MAPK8: variants seen among roughly 807,000 people sequenced by gnomAD.
The protein encoded by MAPK8 is JUN N-terminal kinase.
Under a neutral mutation model 52.9 loss-of-function variants are expected in MAPK8, and 13 were observed. The ratio of observed to expected loss-of-function variants is 0.25; its 90% CI spans 0.16 to 0.39. MAPK8 has a LOEUF of 0.39. Ranked by LOEUF, MAPK8 falls within the 10% of genes least tolerant of loss-of-function variation. The pLI is 1.00. For missense variants in MAPK8, 300 were observed against 519.2 expected, an observed-to-expected ratio of 0.58 and a Z score of 4.10; for synonymous variants, 191 against 169.8, an observed-to-expected ratio of 1.12 and a Z score of -0.97.
chr10:48,308,709 CTTA>C (rs961825070), intron 1 of MAPK8, among the ~76,000 whole-genome samples: 5 of 151,952 alleles, frequency 3.3e-5, no homozygotes, highest in African/African-American at 1.2e-4. Flanking sequence ...TTTGGTGACT[CTTA>C]TTGTGGAAAA....
At chr10:48,409,062 T>C (rs2042612155) in intron 3 of MAPK8, among the ~76,000 whole-genome samples, 1 of 152,168 alleles carries the variant, frequency 6.6e-6, no homozygotes, top group Non-Finnish European at 1.5e-5. Flanking sequence ...CATTGGGTGC[T>C]AGGAGTTAAA....
chr10:48,406,181 A>G (rs943038139), intron 3 of MAPK8, among the ~76,000 whole-genome samples: 1 of 152,180 alleles, frequency 6.6e-6, no homozygotes, highest in Non-Finnish European at 1.5e-5. Flanking sequence ...AGGAAGAATG[A>G]CGTAAAAAAG....
chr10:48,331,878 T>C (rs1270131248), intron 1 of MAPK8, among the ~76,000 whole-genome samples: 1 of 152,184 alleles, frequency 6.6e-6, no homozygotes, highest in African/African-American at 2.4e-5. Context: ...TAAGGAGTAC[T>C]ATTGGGAGAC....
chr10:48,320,517 G>A (rs986358430), intron 1 of MAPK8, among the ~76,000 whole-genome samples: 4 of 151,962 alleles, frequency 2.6e-5, no homozygotes, highest in African/African-American at 7.3e-5. Context: ...TGAGATTAGA[G>A]GCATGAACCA....
chr10:48,365,657 A>G (rs929008130), intron 1 of MAPK8, among the ~76,000 whole-genome samples: 1 of 152,186 alleles, frequency 6.6e-6, no homozygotes, highest in African/African-American at 2.4e-5. Context: ...AGAGAAATGT[A>G]AAATTATTCA....
chr10:48,410,124 C>A lies in MAPK8; in HGVS notation c.406C>A (p.Leu136Met). ...ERMSYLLYQM[L>M]CGIKHLHSAG... is the part of the protein sequence containing the mutation. ...AATGTCCTACCTTCTCTATCAGATG[C>A]TGTGTGGAATCAAGCACCTTCATTC... The change falls in exon 5 of 12, where the codon CTG becomes ATG. Residue 136 changes from leucine (L) to methionine (M), a missense_variant. This residue lies in a region of MAPK8 where 147 missense variants were observed against 328.1 expected (regional missense o/e 0.45). Coordinates refer to ENST00000374189, the MANE Select transcript of MAPK8 (RefSeq NM_001323329.2). 6.3e-7 allele frequency: 1 copy of A among 1,580,118 alleles called. No homozygotes were observed. Among genetic ancestry groups the A allele is most frequent in the Admixed American group, 1.9e-5 (1 of 53,546 alleles).
chr10:48,356,191 C>T (rs1388045802), intron 1 of MAPK8, among the ~76,000 whole-genome samples: 3 of 152,078 alleles, frequency 2.0e-5, no homozygotes, highest in Admixed American at 6.6e-5. Context: ...TTTTCATAGG[C>T]TTTAAAGCAT....
At chr10:48,429,195 A>C (rs2043957598) in intron 10 of MAPK8, among the ~76,000 whole-genome samples, 2 of 152,172 alleles carry the variant, frequency 1.3e-5, no homozygotes, top group Admixed American at 6.5e-5. Flanking sequence ...TTAATAGGCC[A>C]GCAGTTGTAA....
intron 1 of MAPK8, among the ~76,000 whole-genome samples, chr10:48,355,892 C>G (rs1004656666): frequency 1.3e-5 from 2 of 151,936 alleles, no homozygotes; most frequent in African/African-American, 4.8e-5. Flanking sequence ...ACAGATTTAC[C>G]GTGAATAAGG....
At chr10:48,375,626 A>G (rs1352509703) in intron 1 of MAPK8, among the ~76,000 whole-genome samples, 5 of 152,232 alleles carry the variant, frequency 3.3e-5, no homozygotes, top group Non-Finnish European at 7.3e-5. Flanking sequence ...GTGAACTCCC[A>G]TTCACAGTTG....
chr10:48,347,417 C>CT (rs903469828), intron 1 of MAPK8, among the ~76,000 whole-genome samples: 1 of 152,118 alleles, frequency 6.6e-6, no homozygotes, highest in Non-Finnish European at 1.5e-5. Context: ...TTTTATTGTA[C>CT]TTTAAGTTTT....
At chr10:48,424,455 CTTT>C in intron 7 of MAPK8, 1 of 894,120 alleles carries the variant, frequency 1.1e-6, no homozygotes, top group South Asian at 1.9e-5. Context: ...TTATTTCTTT[CTTT>C]TTTTTTTTAT....
At chr10:48,347,355 T>C (rs185089812) in intron 1 of MAPK8, among the ~76,000 whole-genome samples, 1 of 152,362 alleles carries the variant, frequency 6.6e-6, no homozygotes, top group Non-Finnish European at 1.5e-5. Context: ...AGACAGTTAA[T>C]ACATGCTGAC....
chr10:48,415,187 T>C (rs1165243402), intron 5 of MAPK8, among the ~76,000 whole-genome samples: 1 of 152,216 alleles, frequency 6.6e-6, no homozygotes, highest in Admixed American at 6.5e-5. Flanking sequence ...TTTATCTTCC[T>C]GAGCCCCTAC....
intron 1 of MAPK8, among the ~76,000 whole-genome samples, chr10:48,389,083 C>T (rs963100725): frequency 2.0e-5 from 3 of 152,048 alleles, no homozygotes; most frequent in African/African-American, 7.2e-5. Context: ...TTGGAATAGG[C>T]CTTCTTAGTG....
intron 1 of MAPK8, among the ~76,000 whole-genome samples, chr10:48,363,942 ATT>A (rs1401650228): frequency 6.6e-6 from 1 of 152,154 alleles, no homozygotes; most frequent in Non-Finnish European, 1.5e-5. Flanking sequence ...TGCTTAGAAG[ATT>A]TTGTTTTTTG....
At chr10:48,429,251 C>T (rs780498510) in intron 10 of MAPK8, among the ~76,000 whole-genome samples, 7 of 152,172 alleles carry the variant, frequency 4.6e-5, no homozygotes, top group Non-Finnish European at 7.4e-5. Flanking sequence ...TTCGGTTGTA[C>T]AGCACCATTG....
At chr10:48,391,053 A>G (rs1240218192) in intron 1 of MAPK8, among the ~76,000 whole-genome samples, 1 of 152,214 alleles carries the variant, frequency 6.6e-6, no homozygotes, top group Non-Finnish European at 1.5e-5. Flanking sequence ...CAAAATTTGG[A>G]TAGATACAAA....
At chr10:48,405,296 G>A (rs182159171) in intron 3 of MAPK8, among the ~76,000 whole-genome samples, 3 of 151,992 alleles carry the variant, frequency 2.0e-5, no homozygotes, top group Non-Finnish European at 4.4e-5. Flanking sequence ...TTTGTTCTCC[G>A]TCAGGCTGAC....
Sources: gnomAD v4.1 joint callset for allele counts (sites outside exome capture counted in the v4.1 genomes callset) on GRCh38, gnomAD v4.1.1 for gene constraint, gnomAD v4.1.1 regional missense constraint, MANE v1.5 for transcripts, NCBI Gene and HGNC (gene_info 2026-07-23, HGNC 2026-07-21) for gene names.